WDR47: variants seen among roughly 807,000 people sequenced by gnomAD.
The protein encoded by WDR47 is WD repeat-containing protein 47.
A neutral mutation model predicts 97.2 loss-of-function variants in WDR47; 32 were observed. That is an observed-to-expected ratio of 0.33 (90% CI 0.25 to 0.44). The LOEUF (loss-of-function observed/expected upper bound fraction) is 0.44. Among genes scored for constraint, WDR47 ranks in the 20% least tolerant of loss-of-function variants. The pLI, the probability that WDR47 is intolerant of heterozygous loss-of-function variation, is 1.00. For missense variants in WDR47, 782 were observed against 1,102.3 expected, an observed-to-expected ratio of 0.71 and a Z score of 4.11; for synonymous variants, 375 against 373.5, an observed-to-expected ratio of 1.00 and a Z score of -0.05.
intron 1 of WDR47, among the ~76,000 whole-genome samples, chr1:109,028,633 A>AG (rs1376638527): frequency 2.7e-5 from 4 of 150,806 alleles, no homozygotes; most frequent in African/African-American, 9.8e-5. Context: ...TTGTATCTTT[A>AG]GTAGAGGTGG....
intron 7 of WDR47, among the ~76,000 whole-genome samples, chr1:108,998,483 C>A (rs1436266984): frequency 2.0e-5 from 3 of 151,552 alleles, no homozygotes; most frequent in Non-Finnish European, 4.4e-5. Context: ...GCCTAGGCAA[C>A]AGAGCAAGAC....
intron 5 of WDR47, among the ~76,000 whole-genome samples, chr1:109,009,437 A>G (rs1347635991): frequency 6.6e-6 from 1 of 152,234 alleles, no homozygotes. Flanking sequence ...AAGAATCACT[A>G]AAGTAAAGTA....
At position 108,981,870 on chromosome 1, in the gene WDR47, A is replaced by G; in HGVS notation, c.2267-6T>C. ...ATAAAGTGCTAAAATATGCCCTATA[A>G]AAGATCATATACTCAATTATTAAGG... On this transcript the variant is annotated splice_region_variant and splice_polypyrimidine_tract_variant and intron_variant, in intron 12 of 14. Transcript: ENST00000369962. 6.2e-7 allele frequency: 1 copy of G among 1,610,764 alleles called. No individual in the cohort carries two copies. The highest frequency in any genetic ancestry group is 1.1e-5 in the South Asian group (1 of 90,686).
intron 1 of WDR47, chr1:109,030,053 C>T: frequency 1.9e-6 from 1 of 531,932 alleles, no homozygotes; most frequent in Non-Finnish European, 3.2e-6. Context: ...TGACGACCTA[C>T]CCACAGGAGA....
At chr1:108,979,448 C>A (rs1658176456) in intron 13 of WDR47, among the ~76,000 whole-genome samples, 1 of 152,048 alleles carries the variant, frequency 6.6e-6, no homozygotes, top group Non-Finnish European at 1.5e-5. Flanking sequence ...ATGGCTTGAA[C>A]CTGGAAGTCA....
intron 13 of WDR47, among the ~76,000 whole-genome samples, chr1:108,977,846 T>A (rs888603808): frequency 6.6e-6 from 1 of 151,948 alleles, no homozygotes; most frequent in African/African-American, 2.4e-5. Flanking sequence ...GAGCTGGGCG[T>A]GGTGGCACGC....
Position 108,995,988 on chromosome 1 carries a change from A to T in WDR47, c.1434-151T>A, listed in dbSNP as rs1463867449. 5 of 778,608 alleles carry T rather than the reference A, an allele frequency of 6.4e-6. No individual in the cohort carries two copies. In the East Asian group the frequency reaches 1.3e-4, roughly 21 times the overall value. The allele number at this position is 778,608 out of a possible 1,614,324, so 48.2% of individuals were successfully genotyped here. On this transcript the variant is annotated intron_variant, in intron 7 of 14. Transcript: ENST00000369962. The stretch of plus-strand genomic sequence containing the variant: ...TGTTAAAAATTACCACCATCAACTT[A>T]AGACATAACCAAGATACTGAAAGAA...
rs1344246475 is a variant in WDR47, at chr1:108,974,597, A to C, written c.2556T>G (p.Pro852=). Residue 852 remains proline (P), a synonymous_variant, in exon 14 of 15, where the codon CCT becomes CCG. Transcript: ENST00000369962. The part of the protein sequence containing the change: ...SSDVRSVRFS[P]GAHYLLTGSY... ...AGCCTGTTAGCAAGTAGTGAGCTCC[A>C]GGGGAGAATCGAACAGAGCGAACAT... The C allele has an allele frequency of 1.2e-6, 2 of 1,614,198 alleles. No individual in the cohort carries two copies. Among genetic ancestry groups the C allele is most frequent in the African/African-American group, 1.3e-5 (1 of 75,056 alleles).
rs907046327 is a variant in WDR47, at chr1:109,037,577, A to G, written c.-10+4285T>C. Among the ~76,000 whole-genome samples the G allele has an allele frequency of 1.6e-4, 24 of 148,780 alleles. No homozygotes were observed. The East Asian group carries it at 4.7e-3, about 29-fold the overall frequency. On this transcript the variant is annotated intron_variant, in intron 1 of 14. Transcript: ENST00000369962. ...GGGAGGCGGAGCTTGCAGTGAGCTG[A>G]GATCGCACCACTGCACTCCAGCCTG...
At chr1:109,038,247 T>C (rs1243820907) in intron 1 of WDR47, among the ~76,000 whole-genome samples, 2 of 152,190 alleles carry the variant, frequency 1.3e-5, no homozygotes, top group Non-Finnish European at 2.9e-5. Flanking sequence ...ATTCCTTCCC[T>C]TCAGAGCTCC....
intron 1 of WDR47, among the ~76,000 whole-genome samples, chr1:109,037,495 G>C (rs1482855292): frequency 6.6e-6 from 1 of 150,988 alleles, no homozygotes; most frequent in Non-Finnish European, 1.5e-5. Context: ...GCTTGGTGGC[G>C]GGCGCCTGTA....
intron 3 of WDR47, among the ~76,000 whole-genome samples, chr1:109,015,610 G>C (rs577688121): frequency 1.3e-5 from 2 of 151,936 alleles, no homozygotes; most frequent in Admixed American, 1.3e-4. Flanking sequence ...TTACAGGCGT[G>C]AGCCACCACG....
intron 1 of WDR47, among the ~76,000 whole-genome samples, chr1:109,025,788 G>T (rs1241298232): frequency 6.6e-6 from 1 of 151,916 alleles, no homozygotes; most frequent in African/African-American, 2.4e-5. Flanking sequence ...GGTAAACAAG[G>T]GACAAACCAC....
rs758929268 is a variant in WDR47, at chr1:108,983,501, T to C, written c.1926-50A>G. ...TATTTCAATTTCTTGCTTGCTACAA[T>C]CAGTTATGAGGTTCCATATTATACT... On this transcript the variant is annotated intron_variant, in intron 10 of 14. Transcript: ENST00000369962. 2.7e-6 allele frequency: 4 copies of C among 1,481,976 alleles called. No homozygotes were observed. In the African/African-American group the frequency reaches 5.7e-5, roughly 21 times the overall value. The allele number at this position is 1,481,976 out of a possible 1,614,324, so 91.8% of individuals were successfully genotyped here.
chr1:108,990,206 TATAC>T (rs1659214199), intron 9 of WDR47, among the ~76,000 whole-genome samples: 1 of 151,952 alleles, frequency 6.6e-6, no homozygotes, highest in African/African-American at 2.4e-5. Flanking sequence ...TATTAATATA[TATAC>T]ATACATATAT....
intron 3 of WDR47, 34 bp downstream of exon 3, chr1:109,017,484 G>A (rs1661499702): frequency 6.5e-7 from 1 of 1,547,860 alleles, no homozygotes; most frequent in East Asian, 2.2e-5. Flanking sequence ...TTCTACCAAT[G>A]ATGAGACACT....
At chr1:108,986,293 G>A (rs1658798827) in intron 10 of WDR47, among the ~76,000 whole-genome samples, 1 of 152,054 alleles carries the variant, frequency 6.6e-6, no homozygotes, top group Non-Finnish European at 1.5e-5. Context: ...CCATAAATGA[G>A]CAATGTTGTA....
rs575011057 is a variant in WDR47, at chr1:108,971,132, G to A, written c.*298C>T. 7.1e-5 allele frequency: 21 copies of A among 294,634 alleles called. No homozygotes were observed. The highest frequency in any genetic ancestry group is 1.3e-4 in the African/African-American group (6 of 47,016). 18.3% of individuals were successfully genotyped at this position (294,634 alleles called of 1,614,324 possible). On this transcript the variant is annotated 3_prime_UTR_variant, in exon 15 of 15. Coordinates refer to ENST00000369962, the MANE Select transcript of WDR47 (RefSeq NM_001142551.2). ...CAAGGAATGCATTGAATACTAAACC[G>A]TAAACACATTGTCCATCCTGACTTG...
chr1:108,971,301 A>G lies in WDR47; in HGVS notation c.*129T>C. On this transcript the variant is annotated 3_prime_UTR_variant, in exon 15 of 15. Transcript: ENST00000369962. ...CCAACACCTCCTATCAGTGGGATAC[A>G]TGGTAATAAGGGGCCTCTTCGTGCT... 1 of 1,259,368 alleles carries G rather than the reference A, an allele frequency of 7.9e-7. No homozygotes were observed. The highest frequency in any genetic ancestry group is 2.3e-5 in the East Asian group (1 of 42,710). 78.0% of individuals were successfully genotyped at this position (1,259,368 alleles called of 1,614,324 possible).
Sources: gnomAD v4.1 joint callset for allele counts (sites outside exome capture counted in the v4.1 genomes callset) on GRCh38, gnomAD v4.1.1 for gene constraint, MANE v1.5 for transcripts, NCBI Gene and HGNC (gene_info 2026-07-23, HGNC 2026-07-21) for gene names.